The following NEK11 variants were observed in gnomAD, a reference collection of about 807,000 sequenced individuals.
The protein encoded by NEK11 is NIMA related kinase 11.
A neutral mutation model predicts 80.7 loss-of-function variants in NEK11; 72 were observed. The observed-to-expected ratio is 0.89, with a 90% confidence interval of 0.74 to 1.08. The LOEUF is 1.08. Among genes scored for constraint, NEK11 ranks in the 50% least tolerant of loss-of-function variants. NEK11 has a pLI of 0.00. For missense variants in NEK11, 764 were observed against 763.6 expected (o/e 1.00, Z -0.01); for synonymous variants, 251 against 260.7 (o/e 0.96, Z 0.36).
chr3:131,297,622 A>G (rs1039419750), intron 17 of NEK11, among the ~76,000 whole-genome samples: 2 of 151,750 alleles, frequency 1.3e-5, no homozygotes, highest in East Asian at 1.9e-4. Flanking sequence ...TTTCCTGTTC[A>G]CTCTGATGGT....
At chr3:131,311,129 A>G (rs1308730876) in intron 17 of NEK11, among the ~76,000 whole-genome samples, 1 of 151,838 alleles carries the variant, frequency 6.6e-6, no homozygotes, top group Non-Finnish European at 1.5e-5. Flanking sequence ...AAGTTTTTAA[A>G]CCGATGCATA....
chr3:131,168,135 T>C (rs959626174), intron 12 of NEK11, among the ~76,000 whole-genome samples: 3 of 152,170 alleles, frequency 2.0e-5, no homozygotes, highest in South Asian at 2.1e-4. Flanking sequence ...CTCTGGCACA[T>C]TGTCAGCATC....
At chr3:131,344,807 C>A (rs542430824) in intron 17 of NEK11, among the ~76,000 whole-genome samples, 1 of 152,122 alleles carries the variant, frequency 6.6e-6, no homozygotes, top group East Asian at 1.9e-4. Flanking sequence ...TTTAGAATAA[C>A]CAGATCTTGT....
At chr3:131,318,407 CTCTT>C (rs2096864900) in intron 17 of NEK11, among the ~76,000 whole-genome samples, 1 of 152,052 alleles carries the variant, frequency 6.6e-6, no homozygotes, top group Non-Finnish European at 1.5e-5. Context: ...AGTGAAAATT[CTCTT>C]TAATTCAGCA....
chr3:131,038,434 G>C (rs995058579), intron 3 of NEK11, among the ~76,000 whole-genome samples: 1 of 152,188 alleles, frequency 6.6e-6, no homozygotes, highest in South Asian at 2.1e-4. Context: ...TCCTAAGGCC[G>C]CTTTGCTGCA....
chr3:131,071,725 T>TC (rs1368951679), intron 3 of NEK11, among the ~76,000 whole-genome samples: 1 of 152,144 alleles, frequency 6.6e-6, no homozygotes, highest in Non-Finnish European at 1.5e-5. Context: ...CAGTTTTTTT[T>TC]CTCACAATAG....
chr3:131,137,818 A>G (rs138868724), intron 7 of NEK11, among the ~76,000 whole-genome samples: 163 of 152,300 alleles, frequency 1.1e-3, no homozygotes, highest in African/African-American at 3.8e-3. Context: ...TAAGGGCCCC[A>G]CTGATCATGC....
intron 16 of NEK11, among the ~76,000 whole-genome samples, chr3:131,260,879 A>G (rs1310114493): frequency 6.6e-6 from 1 of 152,178 alleles, no homozygotes; most frequent in African/African-American, 2.4e-5. Context: ...GTCTGTGAGG[A>G]TTCCTGAGTA....
intron 17 of NEK11, among the ~76,000 whole-genome samples, chr3:131,340,524 A>T (rs937456239): frequency 3.3e-5 from 5 of 152,134 alleles, no homozygotes; most frequent in Non-Finnish European, 7.4e-5. Context: ...AAGAGGTAAT[A>T]AAGGAATTTG....
chr3:131,072,627 A>T (rs1449726393), intron 3 of NEK11, among the ~76,000 whole-genome samples: 1 of 152,156 alleles, frequency 6.6e-6, no homozygotes, highest in African/African-American at 2.4e-5. Flanking sequence ...GCTGTATATG[A>T]TTTTAAGGGG....
intron 10 of NEK11, among the ~76,000 whole-genome samples, chr3:131,160,264 G>A (rs564580947): frequency 1.6e-4 from 24 of 152,138 alleles, no homozygotes; most frequent in Non-Finnish European, 3.2e-4. Flanking sequence ...AAGAGATTGG[G>A]GGCCAACATT....
intron 15 of NEK11, among the ~76,000 whole-genome samples, chr3:131,237,296 A>G (rs1016430744): frequency 6.6e-6 from 1 of 152,100 alleles, no homozygotes; most frequent in African/African-American, 2.4e-5. Context: ...TGATTAAGCC[A>G]CTGTACTCCA....
intron 16 of NEK11, among the ~76,000 whole-genome samples, chr3:131,251,428 G>A (rs1424348945): frequency 1.3e-5 from 2 of 151,912 alleles, no homozygotes; most frequent in Non-Finnish European, 2.9e-5. Flanking sequence ...TGCTATTAAG[G>A]CTGGATTAAG....
At chr3:131,155,225 G>T in intron 10 of NEK11, 104 bp downstream of exon 10, 1 of 726,456 alleles carries the variant, frequency 1.4e-6, no homozygotes, top group South Asian at 1.9e-5. Flanking sequence ...GAGTATCCTA[G>T]AATTCACTTA....
At chr3:131,118,717 A>C (rs1449407158) in intron 5 of NEK11, among the ~76,000 whole-genome samples, 1 of 152,214 alleles carries the variant, frequency 6.6e-6, no homozygotes, top group Admixed American at 6.5e-5. Flanking sequence ...GTATGTGTCC[A>C]GGAATTTATC....
chr3:131,335,725 T>C (rs2110191935), intron 17 of NEK11, among the ~76,000 whole-genome samples: 1 of 152,296 alleles, frequency 6.6e-6, no homozygotes, highest in African/African-American at 2.4e-5. Flanking sequence ...AACCCCACTG[T>C]CTCAGCCCAA....
chr3:131,170,015 C>T (rs1052948113), intron 13 of NEK11, among the ~76,000 whole-genome samples: 11 of 152,190 alleles, frequency 7.2e-5, no homozygotes, highest in Non-Finnish European at 1.3e-4. Flanking sequence ...TCACAAATAC[C>T]GCACTGCAGT....
At chr3:131,321,968 A>G (rs532233061) in intron 17 of NEK11, among the ~76,000 whole-genome samples, 1 of 152,330 alleles carries the variant, frequency 6.6e-6, no homozygotes, top group South Asian at 2.1e-4. Flanking sequence ...ATACCATTTG[A>G]CCTAGCAATC....
intron 4 of NEK11, among the ~76,000 whole-genome samples, chr3:131,103,018 C>T (rs1403013530): frequency 6.6e-6 from 1 of 152,124 alleles, no homozygotes; most frequent in African/African-American, 2.4e-5. Context: ...TCTAGAAGCT[C>T]AATTTGGTTC....
Sources: gnomAD v4.1 joint callset for allele counts (sites outside exome capture counted in the v4.1 genomes callset) on GRCh38, gnomAD v4.1.1 for gene constraint, MANE v1.5 for transcripts, NCBI Gene and HGNC (gene_info 2026-07-23, HGNC 2026-07-21) for gene names.